DMD: variants seen among roughly 807,000 people sequenced by gnomAD.
DMD encodes the protein dystrophin.
DMD carries 63 observed loss-of-function variants against 330.1 expected under a neutral mutation model. The observed-to-expected ratio is 0.19, with a 90% CI of 0.16 to 0.24. The LOEUF is 0.24. Among genes scored for constraint, DMD ranks in the 10% least tolerant of loss-of-function variants. The probability of loss-of-function intolerance (pLI) is 1.00; values close to 1 mark genes in which losing one functional copy is unlikely to be tolerated. For missense variants in DMD, 3,344 were observed against 2,684.1 expected, an observed-to-expected ratio of 1.25 and a Z score of -5.43; for synonymous variants, 1,223 against 959.8, an observed-to-expected ratio of 1.27 and a Z score of -5.07.
At chrX:33,109,718 GTT>G (rs1389945799) in intron 1 of DMD, among the ~76,000 whole-genome samples, 4 of 111,309 alleles carry the variant, frequency 3.6e-5, no homozygotes, top group African/African-American at 1.3e-4. Flanking sequence ...AAGATTTACG[GTT>G]TTTTTTCCCC....
chrX:31,151,386 AAC>A (rs1181123668), intron 74 of DMD, among the ~76,000 whole-genome samples: 3 of 112,276 alleles, frequency 2.7e-5, no homozygotes, highest in African/African-American at 9.7e-5. Context: ...TCCTTTTGAA[AAC>A]AGTTTTTAGA....
intron 24 of DMD, 25 bp downstream of exon 24, chrX:32,464,561 T>A: frequency 3.9e-6 from 4 of 1,034,726 alleles, no homozygotes; most frequent in Non-Finnish European, 5.4e-6. Flanking sequence ...TTATTCATAT[T>A]AAAGGCATCA....
At chrX:32,611,213 A>C (rs749646439) in intron 12 of DMD, among the ~76,000 whole-genome samples, 1 of 110,451 alleles carries the variant, frequency 9.1e-6, no homozygotes, top group South Asian at 3.8e-4. Flanking sequence ...ATAAAAAAAA[A>C]ATCTGTCAAA....
intron 22 of DMD, among the ~76,000 whole-genome samples, chrX:32,470,087 T>C (rs1297921712): frequency 1.8e-5 from 2 of 111,830 alleles, no homozygotes; most frequent in Non-Finnish European, 3.8e-5. Context: ...CTTTTGTGTG[T>C]ATGCAATTTA....
intron 2 of DMD, among the ~76,000 whole-genome samples, chrX:32,985,020 C>A (rs2092807924): frequency 8.9e-6 from 1 of 111,954 alleles, no homozygotes; most frequent in Non-Finnish European, 1.9e-5. Flanking sequence ...AGGTACCTAC[C>A]CATAGGGCAA....
At chrX:32,173,332 C>CTT (rs1312679497) in intron 44 of DMD, among the ~76,000 whole-genome samples, 3 of 110,126 alleles carry the variant, frequency 2.7e-5, no homozygotes, top group East Asian at 5.7e-4. Context: ...AGAAAATAAT[C>CTT]TTTTTCTTAT....
chrX:31,371,603 T>C (rs1004885454), intron 60 of DMD, among the ~76,000 whole-genome samples: 13 of 111,312 alleles, frequency 1.2e-4, no homozygotes, highest in African/African-American at 3.6e-4. Context: ...TGGAGGACGC[T>C]GAGCTTGAGC....
At chrX:32,647,117 C>A (rs2059831953) in intron 9 of DMD, among the ~76,000 whole-genome samples, 1 of 111,508 alleles carries the variant, frequency 9.0e-6, no homozygotes, top group Non-Finnish European at 1.9e-5. Context: ...TGAGCAGTTG[C>A]ACAGGGCCCT....
At chrX:31,398,874 A>T (rs1397247925) in intron 60 of DMD, among the ~76,000 whole-genome samples, 9 of 111,439 alleles carry the variant, frequency 8.1e-5, no homozygotes, top group Non-Finnish European at 1.7e-4. Context: ...GGAGGGGAGC[A>T]AACTCCACTC....
At chrX:33,142,570 C>G (rs760519383) in intron 1 of DMD, among the ~76,000 whole-genome samples, 1 of 112,029 alleles carries the variant, frequency 8.9e-6, no homozygotes, top group East Asian at 2.8e-4. Flanking sequence ...TTGGGCACCT[C>G]CTTCCCTCAA....
intron 76 of DMD, among the ~76,000 whole-genome samples, chrX:31,140,674 C>T (rs2035931133): frequency 8.9e-6 from 1 of 112,448 alleles, no homozygotes; most frequent in Admixed American, 9.4e-5. Context: ...GTGAAAGATA[C>T]TGAAACTAGT....
chrX:32,953,733 T>C (rs67221357), intron 2 of DMD, among the ~76,000 whole-genome samples: 1 of 111,328 alleles, frequency 9.0e-6, no homozygotes, highest in Non-Finnish European at 1.9e-5. Flanking sequence ...TCAAAGCAGA[T>C]GGAATTTTCA....
chrX:31,908,566 C>T (rs1191118936), intron 47 of DMD, among the ~76,000 whole-genome samples: 10 of 67,068 alleles, frequency 1.5e-4, no homozygotes, highest in African/African-American at 6.0e-4. Context: ...TGGGGCCTGT[C>T]GTGGGGTGGG....
intron 31 of DMD, 92 bp from the exon 32 acceptor site, chrX:32,389,766 G>T: frequency 1.1e-6 from 1 of 874,742 alleles, no homozygotes. Context: ...CTTTATTTCT[G>T]AAGATATACA....
chrX:32,560,362 C>G (rs1459045044), intron 16 of DMD, among the ~76,000 whole-genome samples: 1 of 111,005 alleles, frequency 9.0e-6, no homozygotes, highest in Non-Finnish European at 1.9e-5. Context: ...CATGTGATTT[C>G]AGTCAAATGA....
At chrX:32,645,191 T>C (rs72470509) in intron 9 of DMD, 39 bp from the exon 10 acceptor site, 22 of 1,171,013 alleles carry the variant, frequency 1.9e-5, no homozygotes, top group Non-Finnish European at 2.3e-5. Flanking sequence ...ACAATTAATG[T>C]CTTTGCAGAT....
chrX:31,822,653 G>GGTGTGTGTGTGTGTGTGTGT (rs1556919105), intron 49 of DMD, among the ~76,000 whole-genome samples: 2,330 of 65,702 alleles, frequency 0.035, 130 homozygotes, highest in East Asian at 0.049. Context: ...AAGGCAGAGG[G>GGTGTGTGTGTGTGTGTGTGT]GTGTGTGTGT....
At chrX:32,605,563 A>G (rs2086163297) in intron 12 of DMD, among the ~76,000 whole-genome samples, 1 of 105,601 alleles carries the variant, frequency 9.5e-6, no homozygotes, top group South Asian at 4.0e-4. Context: ...AATCTTCTGA[A>G]CAGCAAAAAC....
chrX:31,949,874 T>C (rs1006781060), intron 45 of DMD, among the ~76,000 whole-genome samples: 2 of 108,674 alleles, frequency 1.8e-5, no homozygotes, highest in African/African-American at 6.9e-5. Flanking sequence ...CTTTTTCCTT[T>C]ATGATTTTGG....
Sources: gnomAD v4.1 joint callset for allele counts (sites outside exome capture counted in the v4.1 genomes callset) on GRCh38, gnomAD v4.1.1 for gene constraint, MANE v1.5 for transcripts, NCBI Gene and HGNC (gene_info 2026-07-23, HGNC 2026-07-21) for gene names.